TNR: variants seen among roughly 807,000 people sequenced by gnomAD.
TNR encodes tenascin-R.
TNR carries 45 observed loss-of-function variants against 150.4 expected under a neutral mutation model. The observed-to-expected ratio is 0.30, with a 90% confidence interval of 0.24 to 0.38. The LOEUF is 0.38. Among genes scored for constraint, TNR ranks in the 10% least tolerant of loss-of-function variants. The pLI is 1.00. For missense variants in TNR, 1,544 were observed against 1,759.1 expected, an observed-to-expected ratio of 0.88 and a Z score of 2.19; for synonymous variants, 687 against 678.4, an observed-to-expected ratio of 1.01 and a Z score of -0.20.
chr1:175,375,714 A>G (rs966358933), intron 9 of TNR, among the ~76,000 whole-genome samples: 14 of 152,278 alleles, frequency 9.2e-5, no homozygotes, highest in Admixed American at 9.2e-4. Context: ...TTAAGTGTTG[A>G]GTCAACAGTG....
chr1:175,596,356 G>A (rs12240118), intron 1 of TNR, among the ~76,000 whole-genome samples: 22,919 of 151,962 alleles, frequency 0.15, 2,488 homozygotes, highest in African/African-American at 0.3. Flanking sequence ...CTACCAGTTC[G>A]CAACATGGTG....
intron 2 of TNR, among the ~76,000 whole-genome samples, chr1:175,424,457 C>T (rs186128743): frequency 1.0e-3 from 152 of 152,324 alleles, no homozygotes; most frequent in Middle Eastern, 6.8e-3. Flanking sequence ...TGACCAGCTT[C>T]CTCTCCATTA....
intron 1 of TNR, among the ~76,000 whole-genome samples, chr1:175,641,443 T>G (rs1664656623): frequency 6.6e-6 from 1 of 152,178 alleles, no homozygotes; most frequent in East Asian, 1.9e-4. Flanking sequence ...ATAATTATCC[T>G]AAGTGTCCTT....
At chr1:175,447,133 C>A (rs1281419700) in intron 2 of TNR, among the ~76,000 whole-genome samples, 1 of 152,018 alleles carries the variant, frequency 6.6e-6, no homozygotes, top group African/African-American at 2.4e-5. Flanking sequence ...GACACAAGCC[C>A]AGCACCCTCA....
At chr1:175,663,938 G>C (rs1436176507) in intron 1 of TNR, among the ~76,000 whole-genome samples, 1 of 152,168 alleles carries the variant, frequency 6.6e-6, no homozygotes, top group Non-Finnish European at 1.5e-5. Context: ...CTTGGAGATG[G>C]CCTGTCCAGA....
In TNR at chr1:175,472,779, C is replaced by T. The variant is rs536410379; in HGVS notation, c.-64+55490G>A. 2.6e-5 allele frequency among the ~76,000 whole-genome samples: 4 copies of T among 152,264 alleles called. No homozygotes were observed. The South Asian group carries it at 8.3e-4, about 32-fold the overall frequency. On this transcript the variant is annotated intron_variant, in intron 2 of 22. Coordinates refer to ENST00000367674, the MANE Select transcript of TNR (RefSeq NM_003285.3). ...AGGAGGGTATGTAGTCATCTGGGTT[C>T]CATTTGGGTCCTTGATTCTCTAATC...
chr1:175,708,026 G>C (rs868312752), intron 1 of TNR, among the ~76,000 whole-genome samples: 6 of 130,462 alleles, frequency 4.6e-5, no homozygotes, highest in African/African-American at 1.8e-4. Flanking sequence ...GTTTGTGTGT[G>C]TGTGTGTGTG....
intron 2 of TNR, among the ~76,000 whole-genome samples, chr1:175,451,210 TTTTTTTAATGTTTTTA>T (rs1656296281): frequency 1.4e-5 from 2 of 141,228 alleles, no homozygotes; most frequent in South Asian, 4.6e-4. Context: ...GTTAGTTTTT[TTTTTTTAATGTTTTTA>T]TTTTTTTATT....
At chr1:175,575,023 C>G (rs1403119533) in intron 1 of TNR, among the ~76,000 whole-genome samples, 1 of 152,152 alleles carries the variant, frequency 6.6e-6, no homozygotes, top group Non-Finnish European at 1.5e-5. Flanking sequence ...TGCTATTGAC[C>G]AAGTATCTCT....
In TNR at chr1:175,633,770, C is replaced by T. The variant is rs151001878; in HGVS notation, c.-164-105401G>A. 1.4e-3 allele frequency among the ~76,000 whole-genome samples: 219 copies of T among 152,128 alleles called. 3 individuals carry two copies. Among genetic ancestry groups the T allele is most frequent in the African/African-American group, 5.0e-3 (209 of 41,486 alleles). The stretch of plus-strand genomic sequence containing the variant: ...GATAATGCTTGCTTATGCTCCAATC[C>T]GCTGACATTTTTGTCTCAGAATGGG... On this transcript the variant is annotated intron_variant, in intron 1 of 22. Transcript: ENST00000367674.
At chr1:175,550,551 A>C (rs755097087) in intron 1 of TNR, among the ~76,000 whole-genome samples, 1 of 151,290 alleles carries the variant, frequency 6.6e-6, no homozygotes, top group Middle Eastern at 3.2e-3. Flanking sequence ...AGACTGGAAC[A>C]ATGTCTCTGT....
At chr1:175,531,751 C>T (rs1029929680) in intron 1 of TNR, among the ~76,000 whole-genome samples, 1 of 152,238 alleles carries the variant, frequency 6.6e-6, no homozygotes, top group African/African-American at 2.4e-5. Context: ...TTGGAAAAAA[C>T]ATCCTATGAA....
intron 2 of TNR, among the ~76,000 whole-genome samples, chr1:175,420,495 C>T (rs1459208668): frequency 6.6e-6 from 1 of 152,212 alleles, no homozygotes; most frequent in East Asian, 1.9e-4. Flanking sequence ...ACTAACCTAA[C>T]AGTGGACTTG....
intron 1 of TNR, among the ~76,000 whole-genome samples, chr1:175,723,694 A>G (rs974371619): frequency 4.6e-5 from 7 of 152,198 alleles, no homozygotes; most frequent in Non-Finnish European, 8.8e-5. Context: ...CAACATGGTG[A>G]AACCCCGTCT....
rs372164317 is a variant in TNR, at chr1:175,573,307, C to T, written c.-164-44938G>A. On this transcript the variant is annotated intron_variant, in intron 1 of 22. Coordinates refer to ENST00000367674, the MANE Select transcript of TNR (RefSeq NM_003285.3). ...TGCCCTTGCTAGGGTTGTGAGCCCA[C>T]CCTCCCTCAGAGCCCTGCGGCTTTT... Among the ~76,000 whole-genome samples, 11 of 152,352 alleles carry T rather than the reference C, an allele frequency of 7.2e-5. No individual in the cohort carries two copies. In the East Asian group the frequency reaches 1.5e-3, roughly 21 times the overall value.
intron 1 of TNR, among the ~76,000 whole-genome samples, chr1:175,597,319 T>C (rs1663048958): frequency 6.6e-6 from 1 of 152,096 alleles, no homozygotes; most frequent in African/African-American, 2.4e-5. Flanking sequence ...TGACAGAACC[T>C]CACGTGAGGA....
chr1:175,364,904 G>T, intron 12 of TNR, 106 bp downstream of exon 12: 1 of 1,384,042 alleles, frequency 7.2e-7, no homozygotes, highest in Non-Finnish European at 9.7e-7. Flanking sequence ...AGCCATAGAG[G>T]AAATCCCCTA....
At chr1:175,356,519 T>C in intron 15 of TNR, 57 bp from the exon 16 acceptor site, 1 of 1,594,254 alleles carries the variant, frequency 6.3e-7, no homozygotes, top group Non-Finnish European at 8.5e-7. Context: ...TTAGGAAAGA[T>C]CTACCAAATC....
intron 21 of TNR, among the ~76,000 whole-genome samples, chr1:175,329,390 C>G (rs1276251860): frequency 6.6e-6 from 1 of 152,168 alleles, no homozygotes; most frequent in Non-Finnish European, 1.5e-5. Context: ...ACTAATGCAA[C>G]CAAGCTTGAT....
Sources: gnomAD v4.1 joint callset for allele counts (sites outside exome capture counted in the v4.1 genomes callset) on GRCh38, gnomAD v4.1.1 for gene constraint, MANE v1.5 for transcripts, NCBI Gene and HGNC (gene_info 2026-07-23, HGNC 2026-07-21) for gene names.